Variants in NRXN3 observed in about 807,000 individuals in gnomAD.
NRXN3 encodes the protein neurexin 3.
A neutral mutation model predicts 137.6 loss-of-function variants in NRXN3; 32 were observed. That is an observed-to-expected ratio of 0.23 (90% CI 0.18 to 0.31). The LOEUF is 0.31. NRXN3 is among the 10% of genes least tolerant of loss of function. The pLI is 1.00. For synonymous variants in NRXN3, 798 were observed against 784.5 expected, an observed-to-expected ratio of 1.02 and a Z score of -0.29; for missense variants, 1,574 against 2,062.5, an observed-to-expected ratio of 0.76 and a Z score of 4.59.
chr14:78,766,454 C>A (rs2152987849), intron 8 of NRXN3, among the ~76,000 whole-genome samples: 1 of 152,294 alleles, frequency 6.6e-6, no homozygotes. Flanking sequence ...AATATGTTTT[C>A]CCTCTCCACT....
At chr14:78,998,633 C>G (rs949698288) in intron 15 of NRXN3, among the ~76,000 whole-genome samples, 14 of 148,274 alleles carry the variant, frequency 9.4e-5, no homozygotes, top group African/African-American at 3.5e-4. Context: ...GAATCTTGCT[C>G]TGTCACCCAG....
At chr14:79,175,365 C>G (rs990657715) in intron 15 of NRXN3, among the ~76,000 whole-genome samples, 1 of 152,144 alleles carries the variant, frequency 6.6e-6, no homozygotes, top group Admixed American at 6.5e-5. Context: ...GGATAAAGAA[C>G]AGAAGATTGA....
chr14:79,164,362 C>T (rs1294486574), intron 15 of NRXN3, among the ~76,000 whole-genome samples: 1 of 151,990 alleles, frequency 6.6e-6, no homozygotes, highest in Non-Finnish European at 1.5e-5. Flanking sequence ...AATGAAGTGA[C>T]ATTTATGCTT....
intron 3 of NRXN3, among the ~76,000 whole-genome samples, chr14:78,288,881 A>G (rs1046766493): frequency 4.6e-5 from 7 of 152,210 alleles, no homozygotes; most frequent in Admixed American, 3.9e-4. Context: ...TTGGTTACTC[A>G]TGGGCATGAT....
intron 10 of NRXN3, among the ~76,000 whole-genome samples, chr14:78,811,626 A>G (rs1437073679): frequency 6.6e-6 from 1 of 152,170 alleles, no homozygotes; most frequent in Non-Finnish European, 1.5e-5. Flanking sequence ...TCCAACTTTT[A>G]CATTTGGTTT....
chr14:79,738,645 G>A (rs896596671), intron 19 of NRXN3, among the ~76,000 whole-genome samples: 3 of 152,046 alleles, frequency 2.0e-5, no homozygotes, highest in Non-Finnish European at 2.9e-5. Flanking sequence ...TGCAACCTCC[G>A]CCTCCCGTCT....
intron 17 of NRXN3, among the ~76,000 whole-genome samples, chr14:79,689,484 A>G (rs1418374830): frequency 2.0e-5 from 3 of 152,126 alleles, no homozygotes; most frequent in Non-Finnish European, 4.4e-5. Context: ...GGCAACTTAA[A>G]CAAATTTGGT....
intron 6 of NRXN3, among the ~76,000 whole-genome samples, chr14:78,660,053 A>G (rs2152676709): frequency 6.6e-6 from 1 of 152,222 alleles, no homozygotes; most frequent in South Asian, 2.1e-4. Flanking sequence ...AGTAGGAACC[A>G]GGTGTGAACA....
At chr14:79,057,108 A>G (rs900347085) in intron 15 of NRXN3, among the ~76,000 whole-genome samples, 9 of 152,204 alleles carry the variant, frequency 5.9e-5, no homozygotes, top group Non-Finnish European at 1.2e-4. Context: ...AATCTTTCTC[A>G]AGTGGGTAAC....
intron 16 of NRXN3, among the ~76,000 whole-genome samples, chr14:79,630,566 A>G (rs1473821034): frequency 6.6e-6 from 1 of 152,186 alleles, no homozygotes; most frequent in Non-Finnish European, 1.5e-5. Context: ...AATACACAAC[A>G]TATGTGTTGC....
chr14:79,037,022 A>T (rs1363341880), intron 15 of NRXN3, among the ~76,000 whole-genome samples: 1 of 152,002 alleles, frequency 6.6e-6, no homozygotes, highest in Non-Finnish European at 1.5e-5. Context: ...CTGAATTCCT[A>T]ATTTCTTGTT....
chr14:78,862,351 G>T (rs2099074828), intron 10 of NRXN3, among the ~76,000 whole-genome samples: 1 of 152,008 alleles, frequency 6.6e-6, no homozygotes, highest in Non-Finnish European at 1.5e-5. Flanking sequence ...GTAGAGAGTG[G>T]ATATTTGCGA....
intron 8 of NRXN3, among the ~76,000 whole-genome samples, chr14:78,722,784 A>T (rs2098465993): frequency 6.6e-6 from 1 of 152,166 alleles, no homozygotes; most frequent in African/African-American, 2.4e-5. Flanking sequence ...AAAGGCATTG[A>T]CTGTGGTTCT....
At chr14:78,499,280 T>G (rs1304663872) in intron 4 of NRXN3, among the ~76,000 whole-genome samples, 1 of 152,050 alleles carries the variant, frequency 6.6e-6, no homozygotes, top group Non-Finnish European at 1.5e-5. Flanking sequence ...CAAATGTTAG[T>G]TTTCTTTCAC....
At chr14:78,937,176 C>A (rs1050025798) in intron 10 of NRXN3, among the ~76,000 whole-genome samples, 3 of 132,692 alleles carry the variant, frequency 2.3e-5, no homozygotes, top group African/African-American at 9.0e-5. Context: ...AAGTCCAGAT[C>A]GTGCCATTGA....
intron 15 of NRXN3, among the ~76,000 whole-genome samples, chr14:79,257,570 G>A (rs2076939227): frequency 7.3e-6 from 1 of 136,144 alleles, no homozygotes; most frequent in African/African-American, 2.9e-5. Flanking sequence ...TGGTGGTGGT[G>A]GTGGTGGTGA....
At chr14:79,615,826 GT>G (rs2098148269) in intron 16 of NRXN3, among the ~76,000 whole-genome samples, 1 of 152,252 alleles carries the variant, frequency 6.6e-6, no homozygotes, top group East Asian at 1.9e-4. Context: ...GGGAACTATA[GT>G]TCAAGATGAG....
intron 16 of NRXN3, among the ~76,000 whole-genome samples, chr14:79,586,777 T>C (rs2097768089): frequency 6.6e-6 from 1 of 152,242 alleles, no homozygotes; most frequent in African/African-American, 2.4e-5. Context: ...TGAAATTCTT[T>C]TTAATCCAAG....
intron 4 of NRXN3, among the ~76,000 whole-genome samples, chr14:78,439,393 A>T (rs17107591): frequency 0.11 from 16,506 of 152,244 alleles, 1,337 homozygotes; most frequent in African/African-American, 0.22. Context: ...TAATGTCTAC[A>T]GCACATTGAG....
Sources: gnomAD v4.1 joint callset for allele counts (sites outside exome capture counted in the v4.1 genomes callset) on GRCh38, gnomAD v4.1.1 for gene constraint, MANE v1.5 for transcripts, NCBI Gene and HGNC (gene_info 2026-07-23, HGNC 2026-07-21) for gene names.